The following PAK4 variants were observed in gnomAD, a reference collection of about 807,000 sequenced individuals.
PAK4 encodes p21 (RAC1) activated kinase 4, also known as serine/threonine-protein kinase PAK 4.
In PAK4, 49 loss-of-function variants were observed where a neutral mutation model predicts 53.5. That is an observed-to-expected ratio of 0.92 (90% confidence interval 0.73 to 1.16). The LOEUF (loss-of-function observed/expected upper bound fraction) is 1.16. Ranked by LOEUF, PAK4 falls within the 50% of genes most tolerant of loss-of-function variation. The pLI is 0.00. For synonymous variants in PAK4, 376 were observed against 375.6 expected (o/e 1.00, Z -0.01); for missense variants, 824 against 850.7 (o/e 0.97, Z 0.39).
intron 1 of PAK4, among the ~76,000 whole-genome samples, chr19:39,151,797 G>A (rs775015347): frequency 1.4e-4 from 21 of 152,084 alleles, no homozygotes; most frequent in Non-Finnish European, 2.6e-4. Flanking sequence ...TTTTGAGATG[G>A]ACTCTCTGTC....
At chr19:39,147,389 A>C (rs1420190829) in intron 1 of PAK4, among the ~76,000 whole-genome samples, 1 of 152,070 alleles carries the variant, frequency 6.6e-6, no homozygotes, top group East Asian at 1.9e-4. Flanking sequence ...CGTTTGTTTA[A>C]CCATTTCCCG....
intron 2 of PAK4, among the ~76,000 whole-genome samples, chr19:39,172,500 G>A (rs773646902): frequency 2.6e-5 from 4 of 152,232 alleles, no homozygotes; most frequent in East Asian, 1.9e-4. Context: ...GAACACTGGC[G>A]CCCACATGGG....
intron 1 of PAK4, among the ~76,000 whole-genome samples, chr19:39,150,652 G>C (rs1405583817): frequency 6.6e-6 from 1 of 152,128 alleles, no homozygotes; most frequent in Non-Finnish European, 1.5e-5. Context: ...CACTTGGGGA[G>C]GCCGAGGTGG....
In PAK4 at chr19:39,178,376, TG is replaced by T; in HGVS notation, c.1621-47del. The T allele has an allele frequency of 6.5e-7, 1 of 1,547,910 alleles. No individual in the cohort carries two copies. On this transcript the variant is annotated intron_variant, in intron 8 of 8. Transcript: ENST00000358301. This position sits in a 1 kb window ranked among gnomAD's most constrained non-coding sequence, Gnocchi z 4.4. ...GCGGACACTGCAGCCCTACAGCAAA[TG>T]AACAGTGGGGAGCCTCGCCCCCTGA...
intron 1 of PAK4, among the ~76,000 whole-genome samples, chr19:39,165,515 A>AAATAAATAAAT (rs2074358911): frequency 2.2e-5 from 3 of 135,078 alleles, no homozygotes; most frequent in East Asian, 4.7e-4. Context: ...ACTCCCTCTC[A>AAATAAATAAAT]AAATAAATAA....
chr19:39,167,338 G>A (rs1453344454), intron 1 of PAK4, among the ~76,000 whole-genome samples: 1 of 152,208 alleles, frequency 6.6e-6, no homozygotes, highest in Non-Finnish European at 1.5e-5. Flanking sequence ...GACATGGGAC[G>A]CAGATCTGGA....
intron 1 of PAK4, among the ~76,000 whole-genome samples, chr19:39,146,335 C>G (rs1228220100): frequency 6.6e-6 from 1 of 152,094 alleles, no homozygotes; most frequent in African/African-American, 2.4e-5. Flanking sequence ...CCTAGGAAAT[C>G]AAGGAAGGCC....
rs867935682 is a variant in PAK4, at chr19:39,174,024, T to C, written c.1098+14T>C. 7.2e-6 allele frequency: 11 copies of C among 1,527,092 alleles called. No individual in the cohort carries two copies. In the African/African-American group the frequency reaches 8.4e-5, roughly 12 times the overall value. The allele number at this position is 1,527,092 out of a possible 1,614,324, so 94.6% of individuals were successfully genotyped here. A position where few individuals can be genotyped will look rare whatever the true frequency, so the allele number is the denominator to read the frequency against. ...CTCTTCAACGAGGTGCGGGCGCTGC[T>C]GCCCTGCCGCCCTGCTGGTCCTCCC... On this transcript the variant is annotated intron_variant, in intron 4 of 8. Transcript: ENST00000358301.
chr19:39,178,404 C>T lies in PAK4; in HGVS notation c.1621-20C>T. On this transcript the variant is annotated intron_variant, in intron 8 of 8. Transcript: ENST00000358301. The surrounding 1 kb of genome is among the most constrained non-coding windows in gnomAD (Gnocchi z 4.4). ...ACAGTGGGGAGCCTCGCCCCCTGAC[C>T]CTCCCCTCCTTCTCGACAGGTGTCG... 1 of 1,568,762 alleles carries T rather than the reference C, an allele frequency of 6.4e-7. No individual in the cohort carries two copies. The highest frequency in any genetic ancestry group is 8.6e-7 in the Non-Finnish European group (1 of 1,157,662).
At chr19:39,149,497 G>A (rs1034726495) in intron 1 of PAK4, among the ~76,000 whole-genome samples, 3 of 152,150 alleles carry the variant, frequency 2.0e-5, no homozygotes, top group African/African-American at 7.2e-5. Flanking sequence ...GGGGCAGGAG[G>A]ATCACCTGAG....
intron 1 of PAK4, among the ~76,000 whole-genome samples, chr19:39,141,476 C>T (rs921449653): frequency 2.0e-5 from 3 of 151,010 alleles, no homozygotes; most frequent in Admixed American, 1.3e-4. Flanking sequence ...CCATGATGCC[C>T]GGCTAATTTT....
chr19:39,152,645 G>A (rs1219226627), intron 1 of PAK4, among the ~76,000 whole-genome samples: 4 of 152,130 alleles, frequency 2.6e-5, no homozygotes, highest in South Asian at 2.1e-4. Flanking sequence ...CTCAAACTGC[G>A]AAAGTCAACA....
At chr19:39,154,937 A>G (rs1052274833) in intron 1 of PAK4, among the ~76,000 whole-genome samples, 1 of 152,170 alleles carries the variant, frequency 6.6e-6, no homozygotes, top group African/African-American at 2.4e-5. Flanking sequence ...GGGGGTGGAC[A>G]GAGGTGGGGA....
intron 1 of PAK4, among the ~76,000 whole-genome samples, chr19:39,149,515 G>A (rs1021923731): frequency 6.6e-6 from 1 of 152,124 alleles, no homozygotes; most frequent in Non-Finnish European, 1.5e-5. Context: ...GAGCCTAAGA[G>A]GTTGAGTTCA....
At chr19:39,134,755 A>T (rs1196372361) in intron 1 of PAK4, 2 of 149,312 alleles carry the variant, frequency 1.3e-5, no homozygotes, top group Non-Finnish European at 2.9e-5. Flanking sequence ...ATACACCGCT[A>T]TGCCTGGCTA....
intron 1 of PAK4, among the ~76,000 whole-genome samples, chr19:39,146,563 C>T (rs532316156): frequency 1.3e-5 from 2 of 152,190 alleles, no homozygotes; most frequent in East Asian, 1.9e-4. Context: ...AATGGCCAGG[C>T]GCAGTGGCTC....
At chr19:39,142,599 C>G (rs944664038) in intron 1 of PAK4, among the ~76,000 whole-genome samples, 1 of 152,148 alleles carries the variant, frequency 6.6e-6, no homozygotes, top group Non-Finnish European at 1.5e-5. Context: ...CTGGGTGCCC[C>G]GGCTTCAAGT....
In PAK4 at chr19:39,175,769, G is replaced by A. The variant is rs961866365; in HGVS notation, c.1359+331G>A. ...CTGCTCCCTGCCCAGCACCCAGGGC[G>A]GTCCATGGACCCCAGTCCTGTCTTC... On this transcript the variant is annotated intron_variant, in intron 6 of 8. Transcript: ENST00000358301. This position sits in a 1 kb window ranked among gnomAD's most constrained non-coding sequence, Gnocchi z 4.7. Among the ~76,000 whole-genome samples, 97 of 152,220 alleles carry A rather than the reference G, an allele frequency of 6.4e-4. No homozygotes were observed. Among genetic ancestry groups the A allele is most frequent in the Non-Finnish European group, 5.9e-5 (4 of 68,036 alleles).
chr19:39,168,112 A>T (rs2074409226), intron 1 of PAK4, 118 bp from the exon 2 acceptor site: 1 of 152,156 alleles, frequency 6.6e-6, no homozygotes, highest in Non-Finnish European at 1.5e-5. Context: ...CGAATTTCCC[A>T]TGAGGTCAAA....
Sources: gnomAD v4.1 joint callset for allele counts (sites outside exome capture counted in the v4.1 genomes callset) on GRCh38, gnomAD v4.1.1 for gene constraint, Gnocchi (gnomAD v3.1) non-coding constraint, MANE v1.5 for transcripts, NCBI Gene and HGNC (gene_info 2026-07-23, HGNC 2026-07-21) for gene names.